ZCCHC7: variants seen among roughly 807,000 people sequenced by gnomAD.
The protein encoded by ZCCHC7 is zinc finger CCHC domain-containing protein 7.
Under a neutral mutation model 52.0 loss-of-function variants are expected in ZCCHC7, and 35 were observed. The observed-to-expected ratio is 0.67, with a 90% confidence interval of 0.51 to 0.89. The LOEUF (loss-of-function observed/expected upper bound fraction) is 0.89. Among genes scored for constraint, ZCCHC7 ranks in the 40% least tolerant of loss-of-function variants. The pLI, the probability that ZCCHC7 is intolerant of heterozygous loss-of-function variation, is 0.00. For missense variants in ZCCHC7, 574 were observed against 649.1 expected (o/e 0.88, Z 1.26); for synonymous variants, 217 against 221.5 (o/e 0.98, Z 0.18).
intron 2 of ZCCHC7, among the ~76,000 whole-genome samples, chr9:37,293,527 T>C (rs1261102037): frequency 1.3e-5 from 2 of 152,172 alleles, no homozygotes; most frequent in South Asian, 2.1e-4. Flanking sequence ...TTTACAGATA[T>C]TGTAAATATA....
chr9:37,235,992 G>C (rs951841108), intron 2 of ZCCHC7, among the ~76,000 whole-genome samples: 1 of 151,990 alleles, frequency 6.6e-6, no homozygotes, highest in Non-Finnish European at 1.5e-5. Flanking sequence ...CTATATCTTG[G>C]CTAATGTGAG....
chr9:37,295,289 T>C (rs1481630199), intron 2 of ZCCHC7, among the ~76,000 whole-genome samples: 2 of 152,094 alleles, frequency 1.3e-5, no homozygotes, highest in Non-Finnish European at 2.9e-5. Flanking sequence ...AGCTGGAACA[T>C]TGGGACCAGG....
intron 5 of ZCCHC7, among the ~76,000 whole-genome samples, chr9:37,320,990 T>TC (rs1421352983): frequency 1.4e-5 from 2 of 144,150 alleles, no homozygotes; most frequent in African/African-American, 2.6e-5. Flanking sequence ...CTTTTTTCTT[T>TC]TTTTTTTTTT....
At chr9:37,316,281 A>G (rs1829818758) in intron 5 of ZCCHC7, among the ~76,000 whole-genome samples, 1 of 150,524 alleles carries the variant, frequency 6.6e-6, no homozygotes, top group Non-Finnish European at 1.5e-5. Context: ...GCTGGTCTCG[A>G]ACTCCTAACC....
intron 2 of ZCCHC7, among the ~76,000 whole-genome samples, chr9:37,208,229 C>T (rs1163849430): frequency 6.6e-6 from 1 of 152,148 alleles, no homozygotes; most frequent in Non-Finnish European, 1.5e-5. Flanking sequence ...AGATTACAGG[C>T]GTGCACCACC....
chr9:37,248,748 C>G (rs1826188143), intron 2 of ZCCHC7, among the ~76,000 whole-genome samples: 1 of 152,114 alleles, frequency 6.6e-6, no homozygotes, highest in Non-Finnish European at 1.5e-5. Context: ...TAGATGATAG[C>G]CATATACTGA....
At position 37,209,393 on chromosome 9, in the gene ZCCHC7, C is replaced by T. The variant is rs573792235; in HGVS notation, c.610+82451C>T. On this transcript the variant is annotated intron_variant, in intron 2 of 8. Coordinates refer to ENST00000336755, the MANE Select transcript of ZCCHC7 (RefSeq NM_032226.3). Reference sequence around the variant, plus strand: ...CCTGTCTTAGAGCTTTTGCAGGTATCGTGCCCTCTGTTGTGTATGCTTTCC... The same window carrying T: ...CCTGTCTTAGAGCTTTTGCAGGTATTGTGCCCTCTGTTGTGTATGCTTTCC... Among the ~76,000 whole-genome samples, 5 of 152,060 alleles carry T rather than the reference C, an allele frequency of 3.3e-5. No homozygotes were observed. The South Asian group carries it at 8.3e-4, about 25-fold the overall frequency.
At chr9:37,249,593 G>A (rs1320744512) in intron 2 of ZCCHC7, among the ~76,000 whole-genome samples, 4 of 151,060 alleles carry the variant, frequency 2.6e-5, no homozygotes, top group East Asian at 1.9e-4. Context: ...CTGGGACTAC[G>A]GGTGCGTGCC....
chr9:37,236,878 C>T (rs1356869596), intron 2 of ZCCHC7, among the ~76,000 whole-genome samples: 1 of 152,178 alleles, frequency 6.6e-6, no homozygotes, highest in Non-Finnish European at 1.5e-5. Context: ...TCCTTCATCT[C>T]CTGCATCTCA....
chr9:37,199,836 C>T (rs2133155142), intron 2 of ZCCHC7, among the ~76,000 whole-genome samples: 1 of 152,140 alleles, frequency 6.6e-6, no homozygotes, highest in Admixed American at 6.5e-5. Context: ...CTCCCAGTAG[C>T]TGGGACTACA....
intron 2 of ZCCHC7, among the ~76,000 whole-genome samples, chr9:37,196,261 C>T (rs1027756305): frequency 6.6e-6 from 1 of 152,126 alleles, no homozygotes; most frequent in Non-Finnish European, 1.5e-5. Context: ...TTTGGATGAA[C>T]AATGAAAGAG....
intron 5 of ZCCHC7, among the ~76,000 whole-genome samples, chr9:37,321,966 A>T (rs982068397): frequency 6.6e-6 from 1 of 152,166 alleles, no homozygotes; most frequent in Non-Finnish European, 1.5e-5. Flanking sequence ...CAAAGGGACA[A>T]TGAAATCACT....
intron 2 of ZCCHC7, among the ~76,000 whole-genome samples, chr9:37,155,801 A>C (rs1820784209): frequency 6.6e-6 from 1 of 152,242 alleles, no homozygotes. Context: ...GGTAATGGTT[A>C]AGGGTGTGAG....
chr9:37,348,343 G>GTTCATTCT (rs768829753), intron 6 of ZCCHC7, among the ~76,000 whole-genome samples: 2 of 100,018 alleles, frequency 2.0e-5, no homozygotes, highest in Non-Finnish European at 4.6e-5. Flanking sequence ...AGTGATACCA[G>GTTCATTCT]TTCGTTCTTT....
Position 37,176,343 on chromosome 9 carries a change from G to A in ZCCHC7, c.610+49401G>A, listed in dbSNP as rs1822030417. Among the ~76,000 whole-genome samples, 4 of 152,180 alleles carry A rather than the reference G, an allele frequency of 2.6e-5. 1 individual carries two copies. In the South Asian group the frequency reaches 6.2e-4, roughly 24 times the overall value. ...CTGCCTCGGCCTCCCAAAGTGCTGGGATTACAGGCGTGAGCCACCGCGCCC... is the reference window on the plus strand; with the variant it reads ...CTGCCTCGGCCTCCCAAAGTGCTGGAATTACAGGCGTGAGCCACCGCGCCC... On this transcript the variant is annotated intron_variant, in intron 2 of 8. Coordinates refer to ENST00000336755, the MANE Select transcript of ZCCHC7 (RefSeq NM_032226.3).
intron 5 of ZCCHC7, among the ~76,000 whole-genome samples, chr9:37,315,926 T>C (rs1023596455): frequency 6.7e-6 from 1 of 148,976 alleles, no homozygotes; most frequent in African/African-American, 2.5e-5. Context: ...AACTGGTTCC[T>C]GTCTAAAATA....
intron 2 of ZCCHC7, among the ~76,000 whole-genome samples, chr9:37,260,886 A>G (rs1349579020): frequency 6.6e-6 from 1 of 152,234 alleles, no homozygotes. Flanking sequence ...AAACTGCTCT[A>G]TCAAAATACT....
chr9:37,218,942 ATTTT>A (rs5897682), intron 2 of ZCCHC7, among the ~76,000 whole-genome samples: 1 of 106,404 alleles, frequency 9.4e-6, no homozygotes, highest in Non-Finnish European at 1.9e-5. Flanking sequence ...CTAGAGCAAC[ATTTT>A]TTTTTTTTTT....
At chr9:37,180,832 A>C (rs1302555804) in intron 2 of ZCCHC7, among the ~76,000 whole-genome samples, 2 of 152,176 alleles carry the variant, frequency 1.3e-5, no homozygotes, top group Non-Finnish European at 2.9e-5. Flanking sequence ...TCAAATATAT[A>C]GGATACTTTA....
Sources: gnomAD v4.1 joint callset for allele counts (sites outside exome capture counted in the v4.1 genomes callset) on GRCh38, gnomAD v4.1.1 for gene constraint, MANE v1.5 for transcripts, NCBI Gene and HGNC (gene_info 2026-07-23, HGNC 2026-07-21) for gene names.